Variants in MAD1L1 observed in about 807,000 individuals in gnomAD.
The protein encoded by MAD1L1 is mitotic spindle assembly checkpoint protein MAD1.
A neutral mutation model predicts 96.9 loss-of-function variants in MAD1L1; 95 were observed. That is an observed-to-expected ratio of 0.98 (90% CI 0.83 to 1.16). The LOEUF (loss-of-function observed/expected upper bound fraction) is 1.16, where lower values mean the gene tolerates loss of function less well. MAD1L1 is among the 50% of genes most tolerant of loss of function. The pLI is 0.00. For missense variants in MAD1L1, 1,007 were observed against 954.4 expected (o/e 1.06, Z -0.73); for synonymous variants, 473 against 396.6 (o/e 1.19, Z -2.29).
intron 17 of MAD1L1, among the ~76,000 whole-genome samples, chr7:1,906,633 C>T (rs535240504): frequency 6.6e-6 from 1 of 152,354 alleles, no homozygotes; most frequent in Admixed American, 6.5e-5. Context: ...TGCAACTGGG[C>T]CTCATGCTGT....
chr7:2,182,755 TA>T (rs1185603757), intron 10 of MAD1L1, among the ~76,000 whole-genome samples: 1 of 151,992 alleles, frequency 6.6e-6, no homozygotes, highest in African/African-American at 2.4e-5. Flanking sequence ...CCAGAACAGG[TA>T]AACCCAGAGA....
chr7:1,887,974 T>A (rs1426507922), intron 18 of MAD1L1, among the ~76,000 whole-genome samples: 1 of 74,896 alleles, frequency 1.3e-5, no homozygotes, highest in Admixed American at 1.7e-4. Context: ...TGCCTATGCA[T>A]GTGTGTGTGC....
In MAD1L1 at chr7:2,142,052, A is replaced by T. The variant is rs576760044; in HGVS notation, c.1073+7100T>A. Among the ~76,000 whole-genome samples, 113 of 152,202 alleles carry T rather than the reference A, an allele frequency of 7.4e-4. 1 individual carries two copies. Among genetic ancestry groups the T allele is most frequent in the African/African-American group, 2.5e-3 (104 of 41,524 alleles). On this transcript the variant is annotated intron_variant, in intron 11 of 18. Coordinates refer to ENST00000265854, the MANE Select transcript of MAD1L1 (RefSeq NM_001013836.2). This position sits in a 1 kb window ranked among gnomAD's most constrained non-coding sequence, Gnocchi z 4.7. ...TGAGCAGCGCACTCTGGGGCACCTG[A>T]CTCACTGAGGGGTCCATGTTCAAGT...
At chr7:2,044,934 C>G (rs541657394) in intron 12 of MAD1L1, among the ~76,000 whole-genome samples, 2 of 152,308 alleles carry the variant, frequency 1.3e-5, no homozygotes, top group South Asian at 2.1e-4. Flanking sequence ...GTCACCTCCC[C>G]ACTCTGATGA....
rs538119439 is a variant in MAD1L1 at position 1,892,479 on chromosome 7, C to T, written c.1998+5721G>A. Among the ~76,000 whole-genome samples, 10 of 152,298 alleles carry T rather than the reference C, an allele frequency of 6.6e-5. No homozygotes were observed. The East Asian group carries it at 1.7e-3, about 26-fold the overall frequency. ...TCAGGTTGTCAGAATATCTGTATTA[C>T]GTGCTTACTGGTTGAGTAAGCATCT... On this transcript the variant is annotated intron_variant, in intron 18 of 18. Transcript: ENST00000265854.
intron 10 of MAD1L1, among the ~76,000 whole-genome samples, chr7:2,208,660 T>C (rs1792722772): frequency 6.6e-6 from 1 of 152,180 alleles, no homozygotes; most frequent in African/African-American, 2.4e-5. Context: ...TGCACCCCCT[T>C]TCATTCTACT....
chr7:2,051,457 G>A (rs1447710305), intron 12 of MAD1L1, among the ~76,000 whole-genome samples: 2 of 152,174 alleles, frequency 1.3e-5, no homozygotes, highest in Non-Finnish European at 2.9e-5. Flanking sequence ...GGCGAGGGGG[G>A]CGCTGACCTT....
intron 17 of MAD1L1, among the ~76,000 whole-genome samples, chr7:1,933,377 G>A (rs1250978598): frequency 3.9e-5 from 6 of 152,166 alleles, no homozygotes; most frequent in South Asian, 2.1e-4. Context: ...TAGCCTACAG[G>A]GTCACACCTG....
At chr7:1,839,735 C>A (rs1057191709) in intron 18 of MAD1L1, among the ~76,000 whole-genome samples, 12 of 151,896 alleles carry the variant, frequency 7.9e-5, no homozygotes, top group Non-Finnish European at 4.4e-5. Context: ...GTTAGAACAT[C>A]CCCCCCGCCT....
At chr7:2,144,230 T>C (rs1266287455) in intron 11 of MAD1L1, among the ~76,000 whole-genome samples, 1 of 152,198 alleles carries the variant, frequency 6.6e-6, no homozygotes, top group Non-Finnish European at 1.5e-5. Context: ...GGAGCGTCTG[T>C]GAGGCTCAAG....
intron 11 of MAD1L1, among the ~76,000 whole-genome samples, chr7:2,125,255 G>A (rs971569052): frequency 1.3e-5 from 2 of 152,094 alleles, no homozygotes; most frequent in African/African-American, 2.4e-5. Flanking sequence ...TGGGGGCGGC[G>A]CCACGAGGCA....
At chr7:2,221,266 C>T (rs534496885) in intron 5 of MAD1L1, among the ~76,000 whole-genome samples, 73 of 152,134 alleles carry the variant, frequency 4.8e-4, no homozygotes, top group Non-Finnish European at 8.8e-4. Flanking sequence ...CCGCAGGCAG[C>T]GGGGACAGCC....
intron 10 of MAD1L1, among the ~76,000 whole-genome samples, chr7:2,170,133 C>G (rs1790642624): frequency 6.6e-6 from 1 of 152,234 alleles, no homozygotes; most frequent in South Asian, 2.1e-4. Flanking sequence ...GCTTAAGGAA[C>G]CTGCATGCCA....
intron 12 of MAD1L1, among the ~76,000 whole-genome samples, chr7:2,056,523 T>G (rs998006732): frequency 6.6e-6 from 1 of 152,108 alleles, no homozygotes; most frequent in African/African-American, 2.4e-5. Flanking sequence ...AGAATGGCTA[T>G]CCAGGAAAGA....
chr7:2,150,006 C>G (rs1789491051), intron 10 of MAD1L1, among the ~76,000 whole-genome samples: 1 of 152,224 alleles, frequency 6.6e-6, no homozygotes. Flanking sequence ...GGCCCGAGGA[C>G]CCATCCTTGT....
At chr7:1,883,174 C>G (rs1199977876) in intron 18 of MAD1L1, among the ~76,000 whole-genome samples, 7 of 149,572 alleles carry the variant, frequency 4.7e-5, no homozygotes, top group Admixed American at 4.0e-4. Context: ...CACCAAACCT[C>G]GTGTCACAAA....
intron 11 of MAD1L1, among the ~76,000 whole-genome samples, chr7:2,131,914 A>G (rs1788526498): frequency 6.6e-6 from 1 of 152,304 alleles, no homozygotes; most frequent in Non-Finnish European, 1.5e-5. Context: ...GGGCCTGACC[A>G]TGCACACGTG....
chr7:1,876,529 G>A (rs1312883704), intron 18 of MAD1L1, among the ~76,000 whole-genome samples: 5 of 152,040 alleles, frequency 3.3e-5, no homozygotes, highest in African/African-American at 4.8e-5. Context: ...AATTAATTAC[G>A]ATACCTTGGA....
At chr7:2,145,718 G>A (rs1026809316) in intron 11 of MAD1L1, among the ~76,000 whole-genome samples, 1 of 152,168 alleles carries the variant, frequency 6.6e-6, no homozygotes, top group Non-Finnish European at 1.5e-5. Context: ...GACCCTCCCT[G>A]GGCGGCCTTC....
Sources: gnomAD v4.1 joint callset for allele counts (sites outside exome capture counted in the v4.1 genomes callset) on GRCh38, gnomAD v4.1.1 for gene constraint, Gnocchi (gnomAD v3.1) non-coding constraint, MANE v1.5 for transcripts, NCBI Gene and HGNC (gene_info 2026-07-23, HGNC 2026-07-21) for gene names.